DAG1: variants seen among roughly 807,000 people sequenced by gnomAD.
DAG1 encodes dystroglycan 1, also known as dystroglycan 1 (dystrophin-associated glycoprotein 1).
A neutral mutation model predicts 46.1 loss-of-function variants in DAG1; 8 were observed. That is an observed-to-expected ratio of 0.17 (90% CI 0.10 to 0.31). The LOEUF (loss-of-function observed/expected upper bound fraction) is 0.31, where lower values mean the gene tolerates loss of function less well. DAG1 is among the 10% of genes least tolerant of loss of function. The probability of loss-of-function intolerance (pLI) is 1.00; values close to 1 mark genes in which losing one functional copy is unlikely to be tolerated. For missense variants in DAG1, 1,003 were observed against 1,189.9 expected (o/e 0.84, Z 2.31); for synonymous variants, 495 against 481.8 (o/e 1.03, Z -0.36).
intron 2 of DAG1, among the ~76,000 whole-genome samples, chr3:49,520,459 G>C (rs965653990): frequency 2.0e-5 from 3 of 152,232 alleles, no homozygotes; most frequent in African/African-American, 4.8e-5. Context: ...GATGGCTGCA[G>C]GTTGGCCCAG....
chr3:49,488,525 T>C lies in DAG1; in HGVS notation c.-117+18092T>C, dbSNP rs11719996. The C allele has an allele frequency of 0.29, 43,530 of 152,008 alleles. 6,745 individuals carry two copies. The highest frequency in any genetic ancestry group is 0.31 in the Middle Eastern group (90 of 292). 9.4% of individuals were successfully genotyped at this position (152,008 alleles called of 1,614,324 possible). On this transcript the variant is annotated intron_variant, in intron 1 of 2. Transcript: ENST00000308775. Reference sequence around the variant, plus strand: ...AGACATTTAGATGTGCCACACACAATAGGGGTGAATGAGAAGAAGGATCTA... The same window carrying C: ...AGACATTTAGATGTGCCACACACAACAGGGGTGAATGAGAAGAAGGATCTA...
Position 49,510,428 on chromosome 3 carries a change from G to A in DAG1, c.-107G>A. On this transcript the variant is annotated 5_prime_UTR_variant, in exon 2 of 3. Coordinates refer to ENST00000308775, the MANE Select transcript of DAG1 (RefSeq NM_004393.6). ...TTTCTTTTTTTTTCAGGCTCTGTGT[G>A]CTCCGGGATGGAGCAGGTGTGCAGA... The A allele has an allele frequency of 9.2e-7, 1 of 1,083,994 alleles. No homozygotes were observed. The highest frequency in any genetic ancestry group is 1.4e-6 in the Non-Finnish European group (1 of 710,172). 67.1% of individuals were successfully genotyped at this position (1,083,994 alleles called of 1,614,324 possible). A position where few individuals can be genotyped will look rare whatever the true frequency, so the allele number is the denominator to read the frequency against.
chr3:49,533,668 T>TA lies in DAG1; in HGVS notation c.*469_*470insA. On this transcript the variant is annotated 3_prime_UTR_variant, in exon 3 of 3. Transcript: ENST00000308775. The stretch of plus-strand genomic sequence containing the variant: ...AACTAAAGATTAAATTCAAAGGACT[T>TA]TCAGAAGTTAAGGTTAAGTTTTTAC... 3.3e-6 allele frequency: 1 copy of TA among 307,212 alleles called. No individual in the cohort carries two copies. Among genetic ancestry groups the TA allele is most frequent in the Non-Finnish European group, 6.3e-6 (1 of 157,880 alleles). The allele number at this position is 307,212 out of a possible 1,614,324, so 19.0% of individuals were successfully genotyped here.
intron 1 of DAG1, among the ~76,000 whole-genome samples, chr3:49,501,698 A>G (rs1241079717): frequency 6.6e-6 from 1 of 151,990 alleles, no homozygotes; most frequent in African/African-American, 2.4e-5. Flanking sequence ...TTGTAGTCCC[A>G]GCTACTTGGG....
chr3:49,518,399 C>T (rs1477822885), intron 2 of DAG1, among the ~76,000 whole-genome samples: 1 of 152,166 alleles, frequency 6.6e-6, no homozygotes, highest in African/African-American at 2.4e-5. Flanking sequence ...GCCTGAAAAG[C>T]CTGGCCTGAC....
At chr3:49,470,494 C>G (rs1343356215) in intron 1 of DAG1, 61 bp downstream of exon 1, 2 of 152,256 alleles carry the variant, frequency 1.3e-5, no homozygotes, top group Non-Finnish European at 2.9e-5. Flanking sequence ...TCCCTGCTGC[C>G]GGCTGAGCCT....
chr3:49,520,851 T>G (rs1057038401), intron 2 of DAG1, among the ~76,000 whole-genome samples: 2 of 152,204 alleles, frequency 1.3e-5, no homozygotes, highest in Admixed American at 6.5e-5. Flanking sequence ...TGCTTGCCAT[T>G]TCTAAGTCCT....
chr3:49,482,309 C>T (rs1179262337), intron 1 of DAG1, among the ~76,000 whole-genome samples: 1 of 152,254 alleles, frequency 6.6e-6, no homozygotes, highest in African/African-American at 2.4e-5. Context: ...CTGACCTTCC[C>T]CCAGCCCGAC....
intron 2 of DAG1, among the ~76,000 whole-genome samples, chr3:49,524,276 G>A (rs948902285): frequency 6.6e-6 from 1 of 152,198 alleles, no homozygotes; most frequent in African/African-American, 2.4e-5. Context: ...CCAGGTAGGG[G>A]CTTTCCCCAA....
rs560293620 is a variant in DAG1, at chr3:49,509,376, GTACT to G, written c.-116-1042_-116-1039del. Among the ~76,000 whole-genome samples, 313 of 152,240 alleles carry G rather than the reference GTACT, an allele frequency of 2.1e-3. 2 individuals are homozygous for G. Among genetic ancestry groups the G allele is most frequent in the Middle Eastern group, 6.8e-3 (2 of 294 alleles). On this transcript the variant is annotated intron_variant, in intron 1 of 2. Transcript: ENST00000308775. Reference sequence around the variant, plus strand: ...TACATTGAGCTATGAACATGACACTGTACTCTATCCTGGGCCACAGAGCAAGAAC... The same window carrying G: ...TACATTGAGCTATGAACATGACACTGCTATCCTGGGCCACAGAGCAAGAAC...
chr3:49,532,624 A>G lies in DAG1; in HGVS notation c.2113A>G (p.Ile705Val). 3.1e-6 allele frequency: 5 copies of G among 1,613,718 alleles called. No homozygotes were observed. The highest frequency in any genetic ancestry group is 4.2e-6 in the Non-Finnish European group (5 of 1,179,608). ...AGAGCCTGACTTTAAGGCCACAAGC[A>G]TCACTGTGACGGGCTCTGGCAGTTG... Reference protein sequence around the residue: ...ALEPDFKATSITVTGSGSCRH... With the variant: ...ALEPDFKATSVTVTGSGSCRH... Residue 705 changes from isoleucine to valine, a missense_variant, in exon 3 of 3, where the codon ATC becomes GTC. Ile to Val is a conservative substitution (Grantham distance 29). Coordinates refer to ENST00000308775, the MANE Select transcript of DAG1 (RefSeq NM_004393.6). This position sits in a 1 kb window ranked among gnomAD's most constrained non-coding sequence, Gnocchi z 5.4.
chr3:49,500,811 G>C (rs1055129108), intron 1 of DAG1, among the ~76,000 whole-genome samples: 1 of 152,136 alleles, frequency 6.6e-6, no homozygotes, highest in Admixed American at 6.5e-5. Flanking sequence ...ATGTGACCAC[G>C]ACTGAGTATT....
Position 49,532,931 on chromosome 3 carries a change from C to T in DAG1, c.2420C>T (p.Ser807Phe), listed in dbSNP as rs576558444. ...PIIFADELDD[S>F]KPPPSSSMPL... ...ATCTTTGCAGACGAACTGGACGACT[C>T]CAAGCCCCCACCCTCCTCCAGCATG... Residue 807 changes from serine (S) to phenylalanine (F), a missense_variant, in exon 3 of 3, where the codon TCC (serine) becomes TTC (phenylalanine). Ser to Phe is a radical substitution (Grantham distance 155). Transcript: ENST00000308775. The surrounding 1 kb of genome is among the most constrained non-coding windows in gnomAD (Gnocchi z 5.4). 1.2e-6 allele frequency: 2 copies of T among 1,613,990 alleles called. No individual in the cohort carries two copies. Among genetic ancestry groups the T allele is most frequent in the Non-Finnish European group, 1.7e-6 (2 of 1,180,024 alleles).
intron 1 of DAG1, among the ~76,000 whole-genome samples, chr3:49,473,197 C>T (rs529737888): frequency 4.0e-5 from 6 of 151,678 alleles, no homozygotes; most frequent in Non-Finnish European, 5.9e-5. Context: ...GGGTGGATCA[C>T]GAGGTCAGGA....
chr3:49,533,512 G>A lies in DAG1; in HGVS notation c.*313G>A, dbSNP rs766068284. On this transcript the variant is annotated 3_prime_UTR_variant, in exon 3 of 3. Transcript: ENST00000308775. ...CATGTGGAGTGGAGGTGGAGGGAGC[G>A]AGGAACCATGAATGAACTCGCAGGC... is the stretch of plus-strand genomic sequence containing the variant. The A allele has an allele frequency of 1.8e-5, 10 of 565,546 alleles. No individual in the cohort carries two copies. Among genetic ancestry groups the A allele is most frequent in the South Asian group, 7.9e-5 (5 of 63,192 alleles). 35.0% of individuals were successfully genotyped at this position (565,546 alleles called of 1,614,324 possible). A position where few individuals can be genotyped will look rare whatever the true frequency, so the allele number is the denominator to read the frequency against.
At chr3:49,483,618 G>A (rs1318323823) in intron 1 of DAG1, among the ~76,000 whole-genome samples, 1 of 152,152 alleles carries the variant, frequency 6.6e-6, no homozygotes, top group Non-Finnish European at 1.5e-5. Context: ...TGGATTCTAA[G>A]TCTTGGAGAA....
Position 49,531,890 on chromosome 3 carries a change from C to A in DAG1, c.1379C>A (p.Pro460His). Residue 460 changes from proline to histidine, a missense_variant, in exon 3 of 3, where the codon CCC becomes CAC. Around this residue, in one of 3 missense-constraint regions of DAG1, gnomAD observed 755 missense variants for 854.1 expected, o/e 0.88. Coordinates refer to ENST00000308775, the MANE Select transcript of DAG1 (RefSeq NM_004393.6). This position sits in a 1 kb window ranked among gnomAD's most constrained non-coding sequence, Gnocchi z 7.0. ...TKKPRTPRPV[P>H]RVTTKVSITR... is the part of the protein sequence containing the mutation. ...AAACCACGGACACCCCGGCCAGTGC[C>A]CCGGGTCACCACCAAAGTTTCCATC... The A allele has an allele frequency of 6.2e-7, 1 of 1,614,138 alleles. No homozygotes were observed. Among genetic ancestry groups the A allele is most frequent in the Non-Finnish European group, 8.5e-7 (1 of 1,180,040 alleles).
intron 2 of DAG1, among the ~76,000 whole-genome samples, chr3:49,527,218 C>G (rs2051197890): frequency 6.7e-6 from 1 of 150,144 alleles, no homozygotes; most frequent in African/African-American, 2.5e-5. Context: ...AGTGAAACCC[C>G]GTCTCTACTA....
chr3:49,490,342 G>T (rs1459466029), intron 1 of DAG1, among the ~76,000 whole-genome samples: 2 of 148,308 alleles, frequency 1.3e-5, no homozygotes, highest in Non-Finnish European at 3.0e-5. Flanking sequence ...GACAGAGTGA[G>T]ACTCTGTCTC....
Sources: gnomAD v4.1 joint callset for allele counts (sites outside exome capture counted in the v4.1 genomes callset) on GRCh38, gnomAD v4.1.1 for gene constraint, gnomAD v4.1.1 regional missense constraint, Gnocchi (gnomAD v3.1) non-coding constraint, MANE v1.5 for transcripts, NCBI Gene and HGNC (gene_info 2026-07-23, HGNC 2026-07-21) for gene names.